Variants in NOS1 observed in about 807,000 individuals in gnomAD.
The protein encoded by NOS1 is NOS type I.
Under a neutral mutation model 164.5 loss-of-function variants are expected in NOS1, and 51 were observed. The observed-to-expected ratio is 0.31, with a 90% CI of 0.25 to 0.39. The LOEUF is 0.39. NOS1 is among the 10% of genes least tolerant of loss of function. The probability of loss-of-function intolerance (pLI) is 1.00; values close to 1 mark genes in which losing one functional copy is unlikely to be tolerated. For missense variants in NOS1, 1,362 were observed against 1,885.6 expected (o/e 0.72, Z 5.14); for synonymous variants, 719 against 745.8 (o/e 0.96, Z 0.59).
intron 1 of NOS1, among the ~76,000 whole-genome samples, chr12:117,344,187 T>C (rs1202947220): frequency 1.3e-5 from 2 of 152,236 alleles, no homozygotes; most frequent in Admixed American, 6.5e-5. Context: ...AGTATACATT[T>C]GCTGGCCACA....
chr12:117,252,805 C>T (rs760244412), intron 17 of NOS1, among the ~76,000 whole-genome samples: 1 of 152,250 alleles, frequency 6.6e-6, no homozygotes, highest in East Asian at 1.9e-4. Context: ...ATATCATCTA[C>T]TACGCATTGC....
At position 117,234,893 on chromosome 12, in the gene NOS1, T is replaced by C. The variant is rs1246712423; in HGVS notation, c.3042-135A>G. On this transcript the variant is annotated intron_variant, in intron 20 of 28. Transcript: ENST00000317775. The surrounding 1 kb of genome is among the most constrained non-coding windows in gnomAD (Gnocchi z 4.3). ...TTGGGGCCCGTGCTAACCAAGCCTA[T>C]GCCCCCATCATTCTATTATTATTAT... The C allele has an allele frequency of 5.3e-6, 3 of 561,340 alleles. No homozygotes were observed. Among genetic ancestry groups the C allele is most frequent in the Non-Finnish European group, 6.1e-6 (2 of 330,158 alleles). 34.8% of individuals were successfully genotyped at this position (561,340 alleles called of 1,614,324 possible). A position where few individuals can be genotyped will look rare whatever the true frequency, so the allele number is the denominator to read the frequency against.
Position 117,317,022 on chromosome 12 carries a change from A to G in NOS1, c.726-5430T>C, listed in dbSNP as rs556267964. 2.0e-5 allele frequency among the ~76,000 whole-genome samples: 3 copies of G among 152,226 alleles called. No homozygotes were observed. In the East Asian group the frequency reaches 5.8e-4, roughly 29 times the overall value. ...CAGCCTCCTGAGTAGCTGAGGTTAC[A>G]GACGTGCACCACCAAGCCTTGCTAA... On this transcript the variant is annotated intron_variant, in intron 2 of 28. Coordinates refer to ENST00000317775, the MANE Select transcript of NOS1 (RefSeq NM_000620.5).
intron 3 of NOS1, among the ~76,000 whole-genome samples, chr12:117,294,296 G>A (rs744664): frequency 0.021 from 3,216 of 152,202 alleles, 123 homozygotes; most frequent in African/African-American, 0.074. Context: ...GGAGGAGCAG[G>A]GTGTGGCCTG....
chr12:117,349,212 A>G (rs1876502047), intron 1 of NOS1, among the ~76,000 whole-genome samples: 1 of 152,274 alleles, frequency 6.6e-6, no homozygotes, highest in African/African-American at 2.4e-5. Context: ...ATGAAATCCT[A>G]CAAGATGAGG....
chr12:117,234,670 T>C lies in NOS1; in HGVS notation c.3130A>G (p.Asn1044Asp). ...AGGGCATTCACGAGGTCCTCGTGGT[T>C]GCCAGGGAAGACACCCAGGTGGTCC... ...PGDHLGVFPG[N>D]HEDLVNALIE... The change falls in exon 21 of 29, where the codon AAC becomes GAC. Residue 1044 changes from asparagine to aspartate, a missense_variant. By Grantham distance (23) the Asn-to-Asp change is conservative. This residue lies in a region of NOS1 where 737 missense variants were observed against 1,030.3 expected (regional missense o/e 0.72). Coordinates refer to ENST00000317775, the MANE Select transcript of NOS1 (RefSeq NM_000620.5). The surrounding 1 kb of genome is among the most constrained non-coding windows in gnomAD (Gnocchi z 4.3). 1 of 1,614,180 alleles carries C rather than the reference T, an allele frequency of 6.2e-7. No individual in the cohort carries two copies.
intron 7 of NOS1, among the ~76,000 whole-genome samples, chr12:117,285,002 A>T (rs1873992973): frequency 6.6e-6 from 1 of 150,676 alleles, no homozygotes; most frequent in Middle Eastern, 3.2e-3. Flanking sequence ...GTGAGCCGAG[A>T]TCATGCCACT....
chr12:117,337,773 T>C (rs1681506), intron 1 of NOS1, among the ~76,000 whole-genome samples: 53,069 of 151,848 alleles, frequency 0.35, 9,593 homozygotes, highest in Middle Eastern at 0.45. Flanking sequence ...AATAGTCCAG[T>C]ATCCAAAATC....
At chr12:117,278,307 T>G (rs1873348582) in intron 8 of NOS1, among the ~76,000 whole-genome samples, 2 of 152,100 alleles carry the variant, frequency 1.3e-5, no homozygotes, top group African/African-American at 2.4e-5. Flanking sequence ...TAATTGCGGG[T>G]TTTGCCATTA....
At chr12:117,240,570 A>G (rs982585403) in intron 20 of NOS1, among the ~76,000 whole-genome samples, 2 of 152,202 alleles carry the variant, frequency 1.3e-5, no homozygotes, top group Non-Finnish European at 2.9e-5. Context: ...TGACCTTGAG[A>G]AAGTCACTTG....
intron 1 of NOS1, among the ~76,000 whole-genome samples, chr12:117,351,329 T>A (rs942107744): frequency 5.9e-5 from 9 of 152,060 alleles, no homozygotes; most frequent in Non-Finnish European, 1.2e-4. Flanking sequence ...GCACCCCCAC[T>A]CCATTCCACC....
rs71099035 is a variant in NOS1 at position 117,262,488 on chromosome 12, GGA to G, written c.2222+1399_2222+1400del. ...GAGGGAGGGAGAGAAAGGGGGAGGG[GGA>G]GAGAGAGAGAGAGAGAAGAGAGAGG... On this transcript the variant is annotated intron_variant, in intron 13 of 28. Coordinates refer to ENST00000317775, the MANE Select transcript of NOS1 (RefSeq NM_000620.5). Among the ~76,000 whole-genome samples the G allele has an allele frequency of 2.6e-3, 304 of 118,498 alleles. 5 individuals are homozygous for G. The highest frequency in any genetic ancestry group is 0.01 in the African/African-American group (270 of 26,794). 77.7% of individuals were successfully genotyped at this position (118,498 alleles called of 152,430 possible). A position where few individuals can be genotyped will look rare whatever the true frequency, so the allele number is the denominator to read the frequency against.
At chr12:117,334,593 C>T (rs1189573548) in intron 1 of NOS1, among the ~76,000 whole-genome samples, 1 of 152,120 alleles carries the variant, frequency 6.6e-6, no homozygotes, top group African/African-American at 2.4e-5. Flanking sequence ...TAGGGTTTTG[C>T]CATGTTGGAC....
In NOS1 at chr12:117,243,791, T is replaced by C. The variant is rs1449545153; in HGVS notation, c.2824-356A>G. On this transcript the variant is annotated intron_variant, in intron 18 of 28. Coordinates refer to ENST00000317775, the MANE Select transcript of NOS1 (RefSeq NM_000620.5). This position sits in a 1 kb window ranked among gnomAD's most constrained non-coding sequence, Gnocchi z 4.3. ...ACCCACCCACCCATCCATCTTTCCATGCATCCATCCTTCCCTCCATCTACC... is the reference window on the plus strand; with the variant it reads ...ACCCACCCACCCATCCATCTTTCCACGCATCCATCCTTCCCTCCATCTACC... Among the ~76,000 whole-genome samples, 1 of 149,150 alleles carries C rather than the reference T, an allele frequency of 6.7e-6. No homozygotes were observed. The highest frequency in any genetic ancestry group is 2.1e-4 in the East Asian group (1 of 4,770).
rs187131726 is a variant in NOS1, at chr12:117,229,591, T to G, written c.3406-1950A>C. On this transcript the variant is annotated intron_variant, in intron 22 of 28. Transcript: ENST00000317775. ...ATCTATCTATCTATCTATCTATCTA[T>G]CTATCTATCTATCTGGAGACAGATT... 4.5e-4 allele frequency among the ~76,000 whole-genome samples: 68 copies of G among 152,042 alleles called. 1 individual carries two copies. The highest frequency in any genetic ancestry group is 3.9e-3 in the Admixed American group (59 of 15,260).
Position 117,330,732 on chromosome 12 carries a change from C to G in NOS1, c.338G>C (p.Gly113Ala). The G allele has an allele frequency of 6.2e-7, 1 of 1,614,032 alleles. No individual in the cohort carries two copies. The change falls in exon 2 of 29, where the codon GGT (glycine) becomes GCT (alanine). Residue 113 changes from glycine to alanine, a missense_variant. By Grantham distance (60) the Gly-to-Ala change is moderately conservative. Coordinates refer to ENST00000317775, the MANE Select transcript of NOS1 (RefSeq NM_000620.5). The surrounding 1 kb of genome is among the most constrained non-coding windows in gnomAD (Gnocchi z 4.6). ...FTTHLETTFTGDGTPKTIRVT... is the reference protein window; with the variant it reads ...FTTHLETTFTADGTPKTIRVT... The stretch of plus-strand genomic sequence containing the variant: ...CCGGATGGTCTTGGGGGTCCCATCA[C>G]CTGTAAAGGTGGTCTCCAGGTGCGT...
intron 28 of NOS1, among the ~76,000 whole-genome samples, chr12:117,217,520 C>T (rs111230329): frequency 1.1e-3 from 168 of 152,252 alleles, no homozygotes; most frequent in African/African-American, 3.8e-3. Flanking sequence ...GTCTGGCCAA[C>T]ATGGCGAAAC....
In NOS1 at chr12:117,287,128, C is replaced by T. The variant is rs539558584; in HGVS notation, c.1128-862G>A. ...TACTCAGGAGGCTGAGGCAGAGAATCGCTTGAGTCTGGGAGGCAGAGGGTG... is the reference window on the plus strand; with the variant it reads ...TACTCAGGAGGCTGAGGCAGAGAATTGCTTGAGTCTGGGAGGCAGAGGGTG... On this transcript the variant is annotated intron_variant, in intron 5 of 28. Coordinates refer to ENST00000317775, the MANE Select transcript of NOS1 (RefSeq NM_000620.5). Among the ~76,000 whole-genome samples the T allele has an allele frequency of 1.9e-4, 29 of 152,106 alleles. No individual in the cohort carries two copies. In the South Asian group the frequency reaches 5.2e-3, roughly 27 times the overall value.
chr12:117,334,053 G>A (rs1249579404), intron 1 of NOS1, among the ~76,000 whole-genome samples: 1 of 152,204 alleles, frequency 6.6e-6, no homozygotes, highest in Admixed American at 6.5e-5. Flanking sequence ...CTCTGGCTTG[G>A]GCCAGACCTT....
Sources: allele counts gnomAD v4.1 joint callset (sites outside exome capture counted in the v4.1 genomes callset), GRCh38; gene constraint gnomAD v4.1.1; regional missense constraint gnomAD v4.1.1; non-coding constraint Gnocchi (gnomAD v3.1); transcripts MANE v1.5; gene names NCBI Gene and HGNC (gene_info 2026-07-23, HGNC 2026-07-21).